Variants in ATAD1 observed in about 807,000 individuals in gnomAD.
The protein encoded by ATAD1 is ATPase family AAA domain containing 1.
In ATAD1, 18 loss-of-function variants were observed where a neutral mutation model predicts 42.7. The ratio of observed to expected loss-of-function variants is 0.42; its 90% CI spans 0.29 to 0.63. The LOEUF is 0.63. Among genes scored for constraint, ATAD1 ranks in the 20% least tolerant of loss-of-function variants. The pLI, the probability that ATAD1 is intolerant of heterozygous loss-of-function variation, is 0.19. For missense variants in ATAD1, 294 were observed against 440.4 expected (o/e 0.67, Z 2.98); for synonymous variants, 132 against 143.1 (o/e 0.92, Z 0.55).
At chr10:87,809,924 G>C (rs1857105780) in intron 2 of ATAD1, among the ~76,000 whole-genome samples, 1 of 152,080 alleles carries the variant, frequency 6.6e-6, no homozygotes, top group Non-Finnish European at 1.5e-5. Context: ...AGGATTACAG[G>C]TGTAAGCCAC....
chr10:87,776,462 G>A, intron 5 of ATAD1, 35 bp from the exon 6 acceptor site: 1 of 1,516,502 alleles, frequency 6.6e-7, no homozygotes, highest in East Asian at 2.3e-5. Context: ...TAGAAATTAA[G>A]AATTAATTAT....
At chr10:87,758,515 A>G (rs761503911) in intron 8 of ATAD1, among the ~76,000 whole-genome samples, 1 of 152,200 alleles carries the variant, frequency 6.6e-6, no homozygotes, top group Non-Finnish European at 1.5e-5. Flanking sequence ...CTTGGCTGGT[A>G]AAAGATTTTA....
intron 4 of ATAD1, among the ~76,000 whole-genome samples, chr10:87,787,077 A>G (rs1855873513): frequency 6.6e-6 from 1 of 152,220 alleles, no homozygotes; most frequent in African/African-American, 2.4e-5. Context: ...TGGTCTCCAC[A>G]GTGATAATAA....
chr10:87,757,766 CATTTGT>C (rs1345194633), intron 8 of ATAD1, among the ~76,000 whole-genome samples: 1 of 152,136 alleles, frequency 6.6e-6, no homozygotes, highest in African/African-American at 2.4e-5. Context: ...ACTAAATTCC[CATTTGT>C]ATTTGTATTA....
At chr10:87,794,242 G>A (rs990909860) in intron 2 of ATAD1, among the ~76,000 whole-genome samples, 2 of 152,100 alleles carry the variant, frequency 1.3e-5, no homozygotes, top group African/African-American at 2.4e-5. Context: ...AAAGTGCTAT[G>A]AACCACATCA....
At chr10:87,756,656 G>C in intron 9 of ATAD1, 133 bp downstream of exon 9, 1 of 818,270 alleles carries the variant, frequency 1.2e-6, no homozygotes, top group African/African-American at 1.8e-5. Context: ...AAATAAAGTT[G>C]CAGGGGGTGA....
At chr10:87,818,307 G>A, upstream of ATAD1, 5 of 967,696 alleles carry the variant, frequency 5.2e-6, no homozygotes, top group Non-Finnish European at 6.1e-6. Context: ...TCGCCGGCGC[G>A]GAGGGGGCGT....
chr10:87,818,344 A>G (rs1271390201), upstream of ATAD1: 1 of 831,542 alleles, frequency 1.2e-6, no homozygotes, highest in Non-Finnish European at 1.4e-6. Flanking sequence ...ACAGTGAGGG[A>G]GAGCAAATTC....
chr10:87,826,530 T>C (rs1226287170), intron 1 of ATAD1, among the ~76,000 whole-genome samples: 2 of 152,214 alleles, frequency 1.3e-5, no homozygotes, highest in Non-Finnish European at 1.5e-5. Context: ...TGTAAAAAGC[T>C]GAAGAAATGC....
chr10:87,767,599 C>T, intron 8 of ATAD1, 74 bp downstream of exon 8: 2 of 1,357,240 alleles, frequency 1.5e-6, no homozygotes, highest in Non-Finnish European at 2.1e-6. Context: ...AGATTCCTTC[C>T]TCATTTTTCT....
intron 1 of ATAD1, among the ~76,000 whole-genome samples, chr10:87,825,982 C>T (rs924813616): frequency 6.6e-6 from 1 of 152,168 alleles, no homozygotes; most frequent in African/African-American, 2.4e-5. Context: ...ACACTGAATG[C>T]ACTTCTTCCA....
At chr10:87,797,593 CCT>C (rs1856459572) in intron 2 of ATAD1, among the ~76,000 whole-genome samples, 1 of 152,154 alleles carries the variant, frequency 6.6e-6, no homozygotes, top group Non-Finnish European at 1.5e-5. Flanking sequence ...TAAGTCTAAA[CCT>C]CTGTTTCCAT....
At chr10:87,830,099 A>G (rs1857801601) in intron 1 of ATAD1, among the ~76,000 whole-genome samples, 1 of 152,204 alleles carries the variant, frequency 6.6e-6, no homozygotes, top group African/African-American at 2.4e-5. Flanking sequence ...CATGCCCTTC[A>G]TTTGTGGAAG....
intron 4 of ATAD1, 135 bp downstream of exon 4, chr10:87,790,175 T>C: frequency 1.0e-5 from 10 of 976,902 alleles, no homozygotes; most frequent in Non-Finnish European, 1.3e-5. Flanking sequence ...GAGCAATTAT[T>C]TTAAGAAACT....
chr10:87,832,327 G>C (rs986022354), intron 1 of ATAD1: 1 of 151,796 alleles, frequency 6.6e-6, no homozygotes, highest in Non-Finnish European at 1.5e-5. Flanking sequence ...CCACGAGTTT[G>C]AGGCTGCAGT....
chr10:87,813,839 A>T (rs147921936), intron 2 of ATAD1, among the ~76,000 whole-genome samples: 14 of 152,190 alleles, frequency 9.2e-5, no homozygotes, highest in African/African-American at 2.9e-4. Context: ...AAGAGCCAGA[A>T]GGGAAAAGCC....
At chr10:87,820,065 TTA>T (rs1244423972), upstream of ATAD1, among the ~76,000 whole-genome samples, 1 of 152,046 alleles carries the variant, frequency 6.6e-6, no homozygotes, top group East Asian at 1.9e-4. Context: ...AACGGAAAGA[TTA>T]TGAGACGAGG....
intron 8 of ATAD1, among the ~76,000 whole-genome samples, chr10:87,758,390 G>A (rs1854325148): frequency 6.6e-6 from 1 of 152,078 alleles, no homozygotes; most frequent in African/African-American, 2.4e-5. Flanking sequence ...ACAAACTCAG[G>A]ACTAGAGGGT....
intron 5 of ATAD1, among the ~76,000 whole-genome samples, chr10:87,780,738 C>T (rs1855524496): frequency 6.6e-6 from 1 of 152,166 alleles, no homozygotes; most frequent in Non-Finnish European, 1.5e-5. Context: ...TTTGTATACA[C>T]AGCAGGTATG....
Sources: gnomAD v4.1 joint callset for allele counts (sites outside exome capture counted in the v4.1 genomes callset) on GRCh38, gnomAD v4.1.1 for gene constraint, MANE v1.5 for transcripts, NCBI Gene and HGNC (gene_info 2026-07-23, HGNC 2026-07-21) for gene names.